The following TTC24 variants were observed in gnomAD, a reference collection of about 807,000 sequenced individuals.
TTC24 encodes tetratricopeptide repeat domain 24.
TTC24 carries 54 observed loss-of-function variants against 63.3 expected under a neutral mutation model. The observed-to-expected ratio is 0.85, with a 90% CI of 0.69 to 1.07. The LOEUF is 1.07. Among genes scored for constraint, TTC24 ranks in the 50% least tolerant of loss-of-function variants. The probability of loss-of-function intolerance (pLI) is 0.00; values close to 1 mark genes in which losing one functional copy is unlikely to be tolerated. For synonymous variants in TTC24, 276 were observed against 304.3 expected, an observed-to-expected ratio of 0.91 and a Z score of 0.97; for missense variants, 680 against 730.5, an observed-to-expected ratio of 0.93 and a Z score of 0.80.
chr1:156,586,800 T>A lies in TTC24; in HGVS notation c.*250T>A. On this transcript the variant is annotated 3_prime_UTR_variant, in exon 11 of 11. Transcript: ENST00000368236. Reference sequence around the variant, plus strand: ...GAAAAAAGGAAAATGGATGGCAAATTCCCTGTCTTTCTGAATCCAAATCTT... The same window carrying A: ...GAAAAAAGGAAAATGGATGGCAAATACCCTGTCTTTCTGAATCCAAATCTT... 1 of 365,166 alleles carries A rather than the reference T, an allele frequency of 2.7e-6. No individual in the cohort carries two copies. The highest frequency in any genetic ancestry group is 5.1e-6 in the Non-Finnish European group (1 of 197,834). 22.6% of individuals were successfully genotyped at this position (365,166 alleles called of 1,614,324 possible).
Position 156,581,953 on chromosome 1 carries a change from C to A in TTC24, c.589C>A (p.Leu197Met). The change falls in exon 2 of 11, where the codon CTG (leucine) becomes ATG (methionine). Residue 197 changes from leucine (L) to methionine (M), a missense_variant. Coordinates refer to ENST00000368236, the MANE Select transcript of TTC24 (RefSeq NM_001105669.4). ...ACAGCTGCGGGCCGCAGCCCTGGCACTGGGGGCTGCGGCAGGATGTATGCT... is the reference window on the plus strand; with the variant it reads ...ACAGCTGCGGGCCGCAGCCCTGGCAATGGGGGCTGCGGCAGGATGTATGCT... ...ERQLRAAALA[L>M]GAAAGCMLKS... 1.3e-6 allele frequency: 2 copies of A among 1,537,436 alleles called. No homozygotes were observed. The highest frequency in any genetic ancestry group is 8.8e-7 in the Non-Finnish European group (1 of 1,142,308).
chr1:156,586,557 C>G lies in TTC24; in HGVS notation c.*7C>G, dbSNP rs766764408. 1 of 1,612,174 alleles carries G rather than the reference C, an allele frequency of 6.2e-7. No individual in the cohort carries two copies. The highest frequency in any genetic ancestry group is 1.7e-5 in the Admixed American group (1 of 59,854). On this transcript the variant is annotated 3_prime_UTR_variant, in exon 11 of 11. Transcript: ENST00000368236. ...CATCTGCACTATTGTGTGACCTCCC[C>G]CTGCCAGCCTCAGCCCTCATCCCTG...
At position 156,582,387 on chromosome 1, in the gene TTC24, A is replaced by T. The variant is rs1357077535; in HGVS notation, c.863A>T (p.Asn288Ile). ...GGGATGGCCCACAATGCCCTCGGCAACTATCAGGAAGCTCGGGAGTTTCAC... is the reference window on the plus strand; with the variant it reads ...GGGATGGCCCACAATGCCCTCGGCATCTATCAGGAAGCTCGGGAGTTTCAC... ...NLGMAHNALG[N>I]YQEAREFHQK... The change falls in exon 3 of 11, where the codon AAC becomes ATC. Residue 288 changes from asparagine (N) to isoleucine (I), a missense_variant. By Grantham distance (149) the Asn-to-Ile change is moderately radical (BLOSUM62 -3). Coordinates refer to ENST00000368236, the MANE Select transcript of TTC24 (RefSeq NM_001105669.4). 1 of 1,613,890 alleles carries T rather than the reference A, an allele frequency of 6.2e-7. No homozygotes were observed.
Position 156,586,681 on chromosome 1 carries a change from G to A in TTC24, c.*131G>A. The A allele has an allele frequency of 1.3e-6, 1 of 749,730 alleles. No homozygotes were observed. Among genetic ancestry groups the A allele is most frequent in the Non-Finnish European group, 2.2e-6 (1 of 456,770 alleles). The allele number at this position is 749,730 out of a possible 1,614,324, so 46.4% of individuals were successfully genotyped here. A position where few individuals can be genotyped will look rare whatever the true frequency, so the allele number is the denominator to read the frequency against. On this transcript the variant is annotated 3_prime_UTR_variant, in exon 11 of 11. Transcript: ENST00000368236. ...GGATGTGGAACACAGTGCAGCCAGTGGACTCCTGAGGAGGCTGGCCAAGGG... is the reference window on the plus strand; with the variant it reads ...GGATGTGGAACACAGTGCAGCCAGTAGACTCCTGAGGAGGCTGGCCAAGGG...
intron 7 of TTC24, 66 bp downstream of exon 7, chr1:156,585,040 T>TG: frequency 6.5e-7 from 1 of 1,538,172 alleles, no homozygotes; most frequent in Non-Finnish European, 8.8e-7. Context: ...GCTGTCGCAG[T>TG]GGGGTAGGAC....
Position 156,581,795 on chromosome 1 carries a change from T to C in TTC24, c.431T>C (p.Leu144Pro). 1 of 1,551,528 alleles carries C rather than the reference T, an allele frequency of 6.4e-7. No homozygotes were observed. Among genetic ancestry groups the C allele is most frequent in the Non-Finnish European group, 8.7e-7 (1 of 1,146,992 alleles). The change falls in exon 2 of 11, where the codon CTG (leucine) becomes CCG (proline). Residue 144 changes from leucine (L) to proline (P), a missense_variant. Transcript: ENST00000368236. ...PQALAWYHRA[L>P]GHYQPQGDQG... ...GCTTTGGCCTGGTACCACAGGGCCC[T>C]GGGCCACTACCAGCCACAGGGTGAC...
intron 1 of TTC24, among the ~76,000 whole-genome samples, chr1:156,581,075 A>G (rs6679324): frequency 0.11 from 16,479 of 152,250 alleles, 1,919 homozygotes; most frequent in African/African-American, 0.29. Flanking sequence ...ATCAAGTGCT[A>G]TGGGACCACA....
Position 156,583,230 on chromosome 1 carries a change from C to T in TTC24, c.1039+60C>T, listed in dbSNP as rs1225856603. 3.1e-6 allele frequency: 5 copies of T among 1,600,298 alleles called. No individual in the cohort carries two copies. The highest frequency in any genetic ancestry group is 2.6e-6 in the Non-Finnish European group (3 of 1,174,662). On this transcript the variant is annotated intron_variant, in intron 4 of 10. Transcript: ENST00000368236. The surrounding 1 kb of genome is among the most constrained non-coding windows in gnomAD (Gnocchi z 4.0). ...GTGGGGAGGCTGAGGGTCCTAGGGGCTGGCGGGGAGGCAGATGGGGGGAAC... is the reference window on the plus strand; with the variant it reads ...GTGGGGAGGCTGAGGGTCCTAGGGGTTGGCGGGGAGGCAGATGGGGGGAAC...
Position 156,585,980 on chromosome 1 carries a change from AGGT to A in TTC24, c.1603_1605del (p.Gly535del). 6.3e-6 allele frequency: 10 copies of A among 1,597,090 alleles called. No homozygotes were observed. The highest frequency in any genetic ancestry group is 5.2e-5 in the Admixed American group (3 of 57,294). On this transcript the variant is annotated inframe_deletion, in exon 10 of 11. Transcript: ENST00000368236. ...GACCCAGGGCCCATCTTCCATTTGT[AGGT>A]CCAGGCCCTCCCAGAGCGGAGTACC...
rs1177709120 is a variant in TTC24, at chr1:156,587,306, G to A, written c.*756G>A. On this transcript the variant is annotated 3_prime_UTR_variant, in exon 11 of 11. Coordinates refer to ENST00000368236, the MANE Select transcript of TTC24 (RefSeq NM_001105669.4). ...ATATGAGGTGCTATTATCCCCTTTC[G>A]CAAATGAGGAAAATAAGGCACAAAG... Among the ~76,000 whole-genome samples the A allele has an allele frequency of 2.0e-5, 3 of 152,000 alleles. No homozygotes were observed. The highest frequency in any genetic ancestry group is 2.9e-5 in the Non-Finnish European group (2 of 68,020).
intron 6 of TTC24, 95 bp from the exon 7 acceptor site, chr1:156,584,782 T>G: frequency 1.3e-6 from 1 of 754,116 alleles, no homozygotes; most frequent in Non-Finnish European, 2.0e-6. Context: ...AGAGCCCGAA[T>G]TGTCTCTATC....
intron 3 of TTC24, 114 bp from the exon 4 acceptor site, chr1:156,582,928 T>G (rs6688600): frequency 0.96 from 1,306,722 of 1,362,564 alleles, 627,581 homozygotes; most frequent in East Asian, 0.98. Flanking sequence ...TCTGGAGTGT[T>G]CTGGGGCTGG....
At chr1:156,584,088 C>T (rs1677083007) in intron 6 of TTC24, among the ~76,000 whole-genome samples, 193 bp downstream of exon 6, 1 of 152,108 alleles carries the variant, frequency 6.6e-6, no homozygotes, top group Non-Finnish European at 1.5e-5. Context: ...TGTGGCACGT[C>T]TCCAACACAA....
intron 1 of TTC24, among the ~76,000 whole-genome samples, chr1:156,580,554 T>G (rs978292777): frequency 5.9e-5 from 9 of 152,146 alleles, no homozygotes; most frequent in African/African-American, 1.9e-4. Context: ...CTCAGCTCAC[T>G]GCAACCTCCA....
Position 156,583,461 on chromosome 1 carries a change from G to A in TTC24, c.1152+11G>A, listed in dbSNP as rs755147147. 1.0e-5 allele frequency: 16 copies of A among 1,573,596 alleles called. No homozygotes were observed. In the East Asian group the frequency reaches 1.8e-4, roughly 18 times the overall value. On this transcript the variant is annotated intron_variant, in intron 5 of 10. Coordinates refer to ENST00000368236, the MANE Select transcript of TTC24 (RefSeq NM_001105669.4). The surrounding 1 kb of genome is among the most constrained non-coding windows in gnomAD (Gnocchi z 4.0). The stretch of plus-strand genomic sequence containing the variant: ...CTGGCCCAGTGTCAGGTGAGACCCC[G>A]CACACCGGAATCCACCTCTCCCCTG...
At chr1:156,584,820 G>A in intron 6 of TTC24, 57 bp from the exon 7 acceptor site, 3 of 1,250,678 alleles carry the variant, frequency 2.4e-6, no homozygotes, top group Admixed American at 2.7e-5. Flanking sequence ...GAGCACACAC[G>A]TAGCTGGGAT....
At chr1:156,585,332 A>G in intron 8 of TTC24, 101 bp downstream of exon 8, 1 of 891,092 alleles carries the variant, frequency 1.1e-6, no homozygotes, top group Non-Finnish European at 1.6e-6. Flanking sequence ...CCATCCCACC[A>G]TCCCGCCTTC....
Position 156,582,227 on chromosome 1 carries a change from C to T in TTC24, c.707-4C>T, listed in dbSNP as rs948983532. ...CTACCAGTGACCCTGGCTATTCCCT[C>T]TAGGGCACCTCTATAACGATCTAGG... is the stretch of plus-strand genomic sequence containing the variant. On this transcript the variant is annotated splice_polypyrimidine_tract_variant and splice_region_variant and intron_variant, in intron 2 of 10. Transcript: ENST00000368236. The T allele has an allele frequency of 4.5e-6, 7 of 1,549,678 alleles. No individual in the cohort carries two copies. Among genetic ancestry groups the T allele is most frequent in the Non-Finnish European group, 6.1e-6 (7 of 1,145,670 alleles).
chr1:156,582,290 GTGGAGGCCTTCCTGCAGGCCC>G lies in TTC24; in HGVS notation c.769_789del (p.Glu257_Leu263del), dbSNP rs772094794. On this transcript the variant is annotated inframe_deletion, in exon 3 of 11. Transcript: ENST00000368236. ...CCAGCTCCAGCTGTTCCCGCTGGCC[GTGGAGGCCTTCCTGCAGGCCC>G]TGCCCCTGTGCTGGGTGCCAGGAGA... is the stretch of plus-strand genomic sequence containing the variant. The G allele has an allele frequency of 1.5e-5, 23 of 1,569,980 alleles. No individual in the cohort carries two copies. The South Asian group carries it at 2.6e-4, about 18-fold the overall frequency.
Sources: allele counts gnomAD v4.1 joint callset (sites outside exome capture counted in the v4.1 genomes callset), GRCh38; gene constraint gnomAD v4.1.1; non-coding constraint Gnocchi (gnomAD v3.1); transcripts MANE v1.5; gene names NCBI Gene and HGNC (gene_info 2026-07-23, HGNC 2026-07-21).